Variants in MCCC1 observed in about 807,000 individuals in gnomAD.
MCCC1 encodes the protein methylcrotonyl-CoA carboxylase subunit 1, also known as methylcrotonoyl-CoA carboxylase subunit alpha, mitochondrial.
Under a neutral mutation model 83.8 loss-of-function variants are expected in MCCC1, and 64 were observed. The observed-to-expected ratio is 0.76, with a 90% confidence interval of 0.62 to 0.94. The LOEUF is 0.94. Ranked by LOEUF, MCCC1 falls within the 40% of genes least tolerant of loss-of-function variation. The pLI is 0.00. For synonymous variants in MCCC1, 322 were observed against 315.4 expected (o/e 1.02, Z -0.22); for missense variants, 807 against 904.7 (o/e 0.89, Z 1.39).
At position 183,065,808 on chromosome 3, in the gene MCCC1, T is replaced by A. The variant is rs1189792641; in HGVS notation, c.761+5191A>T. Among the ~76,000 whole-genome samples the A allele has an allele frequency of 2.6e-5, 4 of 152,220 alleles. No individual in the cohort carries two copies. In the East Asian group the frequency reaches 7.7e-4, roughly 29 times the overall value. On this transcript the variant is annotated intron_variant, in intron 7 of 18. Transcript: ENST00000265594. Reference sequence around the variant, plus strand: ...ATTCAGTTTTTCTGTAAATTGAACATTGGAATAAAAGCACAACAGGTTCTT... The same window carrying A: ...ATTCAGTTTTTCTGTAAATTGAACAATGGAATAAAAGCACAACAGGTTCTT...
intron 4 of MCCC1, among the ~76,000 whole-genome samples, chr3:183,076,111 A>G (rs1214785224): frequency 6.6e-6 from 1 of 152,242 alleles, no homozygotes; most frequent in East Asian, 1.9e-4. Context: ...TAGTAAATCT[A>G]TACAATTGTG....
Position 183,039,101 on chromosome 3 carries a change from A to C in MCCC1, c.1302T>G (p.Ile434Met), listed in dbSNP as rs376289130. The C allele has an allele frequency of 1.9e-5, 30 of 1,614,212 alleles. No individual in the cohort carries two copies. In the African/African-American group the frequency reaches 3.2e-4, roughly 17 times the overall value. ...DEVSVHYDPMIAKLVVWAADR... is the reference protein window; with the variant it reads ...DEVSVHYDPMMAKLVVWAADR... ...CTGCTGCCCACACGACCAGCTTCGCAATCATGGGGTCATAATGCACGGAAA... is the reference window on the plus strand; with the variant it reads ...CTGCTGCCCACACGACCAGCTTCGCCATCATGGGGTCATAATGCACGGAAA... The change falls in exon 12 of 19, where the codon ATT becomes ATG. Residue 434 changes from isoleucine (I) to methionine (M), a missense_variant. Transcript: ENST00000265594.
At chr3:183,106,090 A>AAAAAAAAAAAAAAAAAAAC in intron 1 of MCCC1, among the ~76,000 whole-genome samples, 1 of 151,252 alleles carries the variant, frequency 6.6e-6, no homozygotes, top group African/African-American at 2.4e-5. Context: ...GTAAAAAAAA[A>AAAAAAAAAAAAAAAAAAAC]AAAAAAGACT....
intron 1 of MCCC1, among the ~76,000 whole-genome samples, chr3:183,095,813 C>T (rs1446052404): frequency 6.6e-6 from 1 of 151,970 alleles, no homozygotes; most frequent in Non-Finnish European, 1.5e-5. Flanking sequence ...CTTGAAGGTA[C>T]CTCTCAGATT....
intron 4 of MCCC1, among the ~76,000 whole-genome samples, chr3:183,081,082 A>C (rs566167082): frequency 6.6e-6 from 1 of 152,370 alleles, no homozygotes; most frequent in East Asian, 1.9e-4. Context: ...CCTTGTGAAA[A>C]TAAAATTCAG....
At position 183,020,121 on chromosome 3, in the gene MCCC1, T is replaced by C. The variant is rs1712027129; in HGVS notation, c.1977+9A>G. 2.5e-6 allele frequency: 4 copies of C among 1,597,486 alleles called. No individual in the cohort carries two copies. Among genetic ancestry groups the C allele is most frequent in the East Asian group, 2.2e-5 (1 of 44,782 alleles). On this transcript the variant is annotated intron_variant, in intron 17 of 18. Coordinates refer to ENST00000265594, the MANE Select transcript of MCCC1 (RefSeq NM_020166.5). ...ACTGAACATCATTCTACAGATGTCA[T>C]GTGATTACCTTTTCAATGGTTCCAG...
In MCCC1 at chr3:183,017,251, T is replaced by A; in HGVS notation, c.2049+15A>T. On this transcript the variant is annotated intron_variant, in intron 18 of 18. Transcript: ENST00000265594. ...CCCAAAGTCCTCATAGCAAATGAAC[T>A]CATGATTTCCTTACCTCCATCTTCA... 1 of 1,612,448 alleles carries A rather than the reference T, an allele frequency of 6.2e-7. No homozygotes were observed. Among genetic ancestry groups the A allele is most frequent in the Middle Eastern group, 1.7e-4 (1 of 6,060 alleles).
chr3:183,017,688 A>T (rs1560200165), intron 17 of MCCC1: 3 of 304,504 alleles, frequency 9.9e-6, no homozygotes, highest in Non-Finnish European at 1.2e-5. Context: ...GGTCAAATGC[A>T]CTGGTCAAAT....
In MCCC1 at chr3:183,045,433, A is replaced by T; in HGVS notation, c.1063T>A (p.Leu355Met). The T allele has an allele frequency of 6.2e-7, 1 of 1,614,128 alleles. No homozygotes were observed. Among genetic ancestry groups the T allele is most frequent in the African/African-American group, 1.3e-5 (1 of 75,054 alleles). The change falls in exon 10 of 19, where the codon TTG (leucine) becomes ATG (methionine). Residue 355 changes from leucine to methionine, a missense_variant. By Grantham distance (15) the Leu-to-Met change is conservative (BLOSUM62 2). Transcript: ENST00000265594. Reference protein sequence around the residue: ...PVTEMITGTDLVEWQLRIAAG... With the variant: ...PVTEMITGTDMVEWQLRIAAG... ...CTCACTCTAAGCTGCCACTCCACCA[A>T]GTCAGTTCCTGTGATCATCTCAGTA...
rs1036582977 is a variant in MCCC1 at position 183,082,813 on chromosome 3, AAAAC to A, written c.369+3876_369+3879del. On this transcript the variant is annotated intron_variant, in intron 4 of 18. Coordinates refer to ENST00000265594, the MANE Select transcript of MCCC1 (RefSeq NM_020166.5). ...GGAAACACAGTGAGACTTTGTTTCA[AAAAC>A]AAACAAACAAACAAAAAATTAGCTG... 9.2e-4 allele frequency among the ~76,000 whole-genome samples: 140 copies of A among 152,260 alleles called. 1 individual carries two copies. The highest frequency in any genetic ancestry group is 2.4e-3 in the African/African-American group (98 of 41,536).
chr3:183,098,655 A>G (rs1009950879), intron 1 of MCCC1: 3 of 152,430 alleles, frequency 2.0e-5, no homozygotes, highest in Admixed American at 2.0e-4. Context: ...GGGTTTTTTC[A>G]CTGCCAGAGT....
Position 183,099,454 on chromosome 3 carries a change from G to A in MCCC1, c.-14C>T, listed in dbSNP as rs763377958. 9 of 1,598,426 alleles carry A rather than the reference G, an allele frequency of 5.6e-6. No homozygotes were observed. In the South Asian group the frequency reaches 9.0e-5, roughly 16 times the overall value. On this transcript the variant is annotated 5_prime_UTR_variant, in exon 1 of 19. Coordinates refer to ENST00000265594, the MANE Select transcript of MCCC1 (RefSeq NM_020166.5). ...GGCCGCCGCCATGTCCCTGGAGCCC[G>A]GCCACTCCGTGACTCCCCAGTACAG...
chr3:183,069,074 C>T (rs1716460119), intron 7 of MCCC1, among the ~76,000 whole-genome samples: 1 of 152,164 alleles, frequency 6.6e-6, no homozygotes, highest in Non-Finnish European at 1.5e-5. Flanking sequence ...TTTCCATCTT[C>T]TGCATTTTCC....
chr3:183,064,270 C>A lies in MCCC1; in HGVS notation c.761+6729G>T, dbSNP rs944908985. On this transcript the variant is annotated intron_variant, in intron 7 of 18. Coordinates refer to ENST00000265594, the MANE Select transcript of MCCC1 (RefSeq NM_020166.5). The surrounding 1 kb of genome is among the most constrained non-coding windows in gnomAD (Gnocchi z 4.5). ...AGCTGATGGGACTGCTAGAAAAGAT[C>A]CCCCTTTTTTTTTTAATTCCAAGTG... Among the ~76,000 whole-genome samples the A allele has an allele frequency of 2.0e-4, 6 of 30,250 alleles. No homozygotes were observed. The highest frequency in any genetic ancestry group is 3.3e-4 in the Non-Finnish European group (3 of 9,106). 19.8% of individuals were successfully genotyped at this position (30,250 alleles called of 152,430 possible). A position where few individuals can be genotyped will look rare whatever the true frequency, so the allele number is the denominator to read the frequency against.
At chr3:183,096,619 C>A (rs559059203) in intron 1 of MCCC1, among the ~76,000 whole-genome samples, 1 of 152,116 alleles carries the variant, frequency 6.6e-6, no homozygotes, top group Non-Finnish European at 1.5e-5. Flanking sequence ...CATCTATATG[C>A]GTCTATACAC....
intron 9 of MCCC1, among the ~76,000 whole-genome samples, chr3:183,049,372 C>A (rs1017941627): frequency 6.6e-6 from 1 of 151,938 alleles, no homozygotes; most frequent in African/African-American, 2.4e-5. Context: ...GAGATCAAGA[C>A]CATCCTGGCC....
In MCCC1 at chr3:183,057,506, T is replaced by A. The variant is rs937907998; in HGVS notation, c.762-84A>T. On this transcript the variant is annotated intron_variant, in intron 7 of 18. Coordinates refer to ENST00000265594, the MANE Select transcript of MCCC1 (RefSeq NM_020166.5). ...CGTTAAGCTAAACTGTTAGGCACAA[T>A]CACCAGGATTTCTCCATTTTTACTT... 4.7e-6 allele frequency: 5 copies of A among 1,063,166 alleles called. No homozygotes were observed. The African/African-American group carries it at 7.9e-5, about 17-fold the overall frequency. 65.9% of individuals were successfully genotyped at this position (1,063,166 alleles called of 1,614,324 possible).
intron 9 of MCCC1, among the ~76,000 whole-genome samples, chr3:183,050,284 C>G (rs1281848936): frequency 1.3e-5 from 2 of 152,148 alleles, no homozygotes; most frequent in Non-Finnish European, 2.9e-5. Flanking sequence ...ACAAGGCCAG[C>G]TGAGTATAAT....
intron 17 of MCCC1, among the ~76,000 whole-genome samples, chr3:183,018,823 A>G (rs11917464): frequency 0.9 from 136,866 of 152,218 alleles, 61,843 homozygotes; most frequent in East Asian, 1. Context: ...TGAAGTCTTC[A>G]GAGCCCTGTG....
Sources: gnomAD v4.1 joint callset for allele counts (sites outside exome capture counted in the v4.1 genomes callset) on GRCh38, gnomAD v4.1.1 for gene constraint, Gnocchi (gnomAD v3.1) non-coding constraint, MANE v1.5 for transcripts, NCBI Gene and HGNC (gene_info 2026-07-23, HGNC 2026-07-21) for gene names.